The following STX8 variants were observed in gnomAD, a reference collection of about 807,000 sequenced individuals.
The protein encoded by STX8 is syntaxin-8.
STX8 carries 23 observed loss-of-function variants against 37.5 expected under a neutral mutation model. That is an observed-to-expected ratio of 0.61 (90% CI 0.44 to 0.87). The LOEUF (loss-of-function observed/expected upper bound fraction) is 0.87. Ranked by LOEUF, STX8 falls within the 40% of genes least tolerant of loss-of-function variation. The pLI is 0.00. For synonymous variants in STX8, 115 were observed against 99.1 expected, an observed-to-expected ratio of 1.16 and a Z score of -0.95; for missense variants, 313 against 284.7, an observed-to-expected ratio of 1.10 and a Z score of -0.71.
intron 6 of STX8, among the ~76,000 whole-genome samples, chr17:9,401,925 A>T (rs1912633199): frequency 6.6e-6 from 1 of 152,082 alleles, no homozygotes; most frequent in Non-Finnish European, 1.5e-5. Context: ...CACACTTCAG[A>T]CATATTTTTT....
chr17:9,350,908 G>A lies in STX8; in HGVS notation c.643+27644C>T, dbSNP rs149276389. Reference sequence around the variant, plus strand: ...AAAGTGCTGATTAGTAGCAGACCTAGAAAGAAATTTCATCAGGCATTCCTT... The same window carrying A: ...AAAGTGCTGATTAGTAGCAGACCTAAAAAGAAATTTCATCAGGCATTCCTT... On this transcript the variant is annotated intron_variant, in intron 7 of 7. Transcript: ENST00000306357. Among the ~76,000 whole-genome samples, 480 of 152,240 alleles carry A rather than the reference G, an allele frequency of 3.2e-3. 2 individuals carry two copies. Among genetic ancestry groups the A allele is most frequent in the African/African-American group, 0.011 (464 of 41,546 alleles).
At chr17:9,502,653 C>A (rs1904661750) in intron 5 of STX8, among the ~76,000 whole-genome samples, 1 of 152,032 alleles carries the variant, frequency 6.6e-6, no homozygotes. Context: ...AGAAAAAATG[C>A]AAATTTACGT....
chr17:9,527,868 C>T (rs1028901593), intron 4 of STX8, among the ~76,000 whole-genome samples: 1 of 152,174 alleles, frequency 6.6e-6, no homozygotes, highest in Non-Finnish European at 1.5e-5. Context: ...AGTAACCCCA[C>T]TTTGAGGACT....
intron 6 of STX8, among the ~76,000 whole-genome samples, chr17:9,439,335 T>C (rs753022235): frequency 1.3e-5 from 2 of 152,186 alleles, no homozygotes; most frequent in East Asian, 1.9e-4. Flanking sequence ...GATTTGAACA[T>C]AGCATTTGTT....
In STX8 at chr17:9,418,556, C is replaced by G. The variant is rs371870293; in HGVS notation, c.542-39903G>C. Among the ~76,000 whole-genome samples, 324 of 150,024 alleles carry G rather than the reference C, an allele frequency of 2.2e-3. 1 individual carries two copies. Among genetic ancestry groups the G allele is most frequent in the Middle Eastern group, 0.021 (6 of 286 alleles). ...ACAAAAAAAAAAACAAGGCTGGGTG[C>G]AGTGGCTCACGCCTGTAATCCCAGC... On this transcript the variant is annotated intron_variant, in intron 6 of 7. Coordinates refer to ENST00000306357, the MANE Select transcript of STX8 (RefSeq NM_004853.3).
At chr17:9,282,403 G>A (rs1300025060) in intron 7 of STX8, among the ~76,000 whole-genome samples, 1 of 152,164 alleles carries the variant, frequency 6.6e-6, no homozygotes, top group African/African-American at 2.4e-5. Flanking sequence ...CAAAGTGCTG[G>A]GATTACAGGC....
Position 9,394,697 on chromosome 17 carries a change from A to T in STX8, c.542-16044T>A, listed in dbSNP as rs184568136. Among the ~76,000 whole-genome samples the T allele has an allele frequency of 4.2e-3, 641 of 151,876 alleles. 5 individuals are homozygous for T. The highest frequency in any genetic ancestry group is 0.014 in the African/African-American group (595 of 41,434). ...TCATATTATTTAAAACCATAACAAC[A>T]ACTGCCAATATTTAGTAAAAATTGC... On this transcript the variant is annotated intron_variant, in intron 6 of 7. Transcript: ENST00000306357.
chr17:9,286,407 A>G (rs1007866526), intron 7 of STX8, among the ~76,000 whole-genome samples: 1 of 152,210 alleles, frequency 6.6e-6, no homozygotes, highest in African/African-American at 2.4e-5. Flanking sequence ...TTACAAAAAA[A>G]TATTGTCTTG....
intron 7 of STX8, among the ~76,000 whole-genome samples, chr17:9,341,678 C>G (rs1373737389): frequency 1.3e-5 from 2 of 152,110 alleles, no homozygotes; most frequent in Non-Finnish European, 2.9e-5. Flanking sequence ...CTCAGGTAAT[C>G]TGCCGGCTTC....
rs541946228 is a variant in STX8, at chr17:9,390,390, T to C, written c.542-11737A>G. ...TACAAAAATTACCTGGGCGTGGTGG[T>C]GGTTGTCTGTAATCCCAGCTACTCA... is the stretch of plus-strand genomic sequence containing the variant. On this transcript the variant is annotated intron_variant, in intron 6 of 7. Transcript: ENST00000306357. Among the ~76,000 whole-genome samples the C allele has an allele frequency of 3.3e-5, 5 of 151,608 alleles. No individual in the cohort carries two copies. The South Asian group carries it at 8.3e-4, about 25-fold the overall frequency.
intron 2 of STX8, among the ~76,000 whole-genome samples, chr17:9,558,558 G>A (rs1224681854): frequency 1.3e-5 from 2 of 152,188 alleles, no homozygotes; most frequent in Non-Finnish European, 2.9e-5. Flanking sequence ...AAGAGCGGCC[G>A]GGCGCGGTGG....
chr17:9,365,950 G>A (rs570458162), intron 7 of STX8, among the ~76,000 whole-genome samples: 1 of 152,248 alleles, frequency 6.6e-6, no homozygotes, highest in South Asian at 2.1e-4. Flanking sequence ...TCCAGCCTGG[G>A]CAACAGAGCG....
At chr17:9,327,792 C>T (rs1909827814) in intron 7 of STX8, among the ~76,000 whole-genome samples, 1 of 152,152 alleles carries the variant, frequency 6.6e-6, no homozygotes, top group Admixed American at 6.5e-5. Flanking sequence ...CCCCCTGCCT[C>T]AGCCTCCTGA....
At chr17:9,497,634 G>C (rs2142487594) in intron 5 of STX8, among the ~76,000 whole-genome samples, 1 of 152,148 alleles carries the variant, frequency 6.6e-6, no homozygotes, top group East Asian at 1.9e-4. Flanking sequence ...ATAGTAAAAA[G>C]TTATCAATAT....
intron 7 of STX8, among the ~76,000 whole-genome samples, chr17:9,371,791 T>G (rs1911409130): frequency 6.6e-6 from 1 of 152,118 alleles, no homozygotes; most frequent in South Asian, 2.1e-4. Flanking sequence ...TTATTATAGT[T>G]TTCGGGTTTC....
At chr17:9,355,543 C>T (rs1372900893) in intron 7 of STX8, among the ~76,000 whole-genome samples, 1 of 149,872 alleles carries the variant, frequency 6.7e-6, no homozygotes, top group African/African-American at 2.5e-5. Flanking sequence ...CATTCTGTCG[C>T]CCAGGCTGGA....
chr17:9,487,583 A>T (rs1906653562), intron 6 of STX8, among the ~76,000 whole-genome samples: 2 of 152,184 alleles, frequency 1.3e-5, no homozygotes, highest in African/African-American at 4.8e-5. Flanking sequence ...TCACATTAGA[A>T]AACCACCAGC....
chr17:9,301,584 G>A lies in STX8; in HGVS notation c.644-50939C>T, dbSNP rs565723019. 7.2e-4 allele frequency among the ~76,000 whole-genome samples: 109 copies of A among 151,274 alleles called. 2 individuals carry two copies. The highest frequency in any genetic ancestry group is 1.6e-3 in the African/African-American group (65 of 40,908). On this transcript the variant is annotated intron_variant, in intron 7 of 7. Transcript: ENST00000306357. ...TGCAAGCTCCACCTCCCGCGTTCAC[G>A]CCATTCTCCTGCTTCAGCCTCCCGA...
intron 3 of STX8, among the ~76,000 whole-genome samples, chr17:9,549,065 T>C (rs1464623684): frequency 2.0e-5 from 3 of 152,174 alleles, no homozygotes; most frequent in Admixed American, 1.3e-4. Context: ...CATATGCATA[T>C]ATTTCAAGCC....
Sources: gnomAD v4.1 joint callset for allele counts (sites outside exome capture counted in the v4.1 genomes callset) on GRCh38, gnomAD v4.1.1 for gene constraint, MANE v1.5 for transcripts, NCBI Gene and HGNC (gene_info 2026-07-23, HGNC 2026-07-21) for gene names.